The following MAML3 variants were observed in gnomAD, a reference collection of about 807,000 sequenced individuals.
MAML3 encodes mastermind-like protein 3.
MAML3 carries 27 observed loss-of-function variants against 101.9 expected under a neutral mutation model. The observed-to-expected ratio is 0.27, with a 90% CI of 0.20 to 0.37. MAML3 has a LOEUF of 0.37. MAML3 is among the 10% of genes least tolerant of loss of function. The pLI is 1.00. For missense variants in MAML3, 1,316 were observed against 1,444.9 expected, an observed-to-expected ratio of 0.91 and a Z score of 1.45; for synonymous variants, 501 against 555.9, an observed-to-expected ratio of 0.90 and a Z score of 1.39.
chr4:140,115,062 A>G (rs1424919288), intron 1 of MAML3, among the ~76,000 whole-genome samples: 1 of 152,190 alleles, frequency 6.6e-6, no homozygotes, highest in Non-Finnish European at 1.5e-5. Context: ...TCCTCAGGAC[A>G]AGACACATGA....
At chr4:139,904,261 AC>A (rs33990268) in intron 1 of MAML3, among the ~76,000 whole-genome samples, 3,349 of 152,214 alleles carry the variant, frequency 0.022, 109 homozygotes, top group African/African-American at 0.076. Flanking sequence ...AACTAATGAA[AC>A]TGATAATTTG....
chr4:139,870,808 C>G lies in MAML3; in HGVS notation c.2079+18549G>C, dbSNP rs1982495. Among the ~76,000 whole-genome samples the G allele has an allele frequency of 5.5e-3, 841 of 152,238 alleles. 2 individuals carry two copies. Among genetic ancestry groups the G allele is most frequent in the Admixed American group, 9.2e-3 (141 of 15,282 alleles). On this transcript the variant is annotated intron_variant, in intron 2 of 4. Coordinates refer to ENST00000509479, the MANE Select transcript of MAML3 (RefSeq NM_018717.5). ...ACTTGACTAATTTTTGTATCTATAT[C>G]TTTCATTTCACCAAAGATTTAAAAC...
intron 3 of MAML3, among the ~76,000 whole-genome samples, chr4:139,726,685 A>C (rs558790914): frequency 6.6e-6 from 1 of 151,834 alleles, no homozygotes; most frequent in Non-Finnish European, 1.5e-5. Context: ...CTCTACATGT[A>C]AACTATTCAG....
At chr4:140,096,457 G>C (rs1389695916) in intron 1 of MAML3, among the ~76,000 whole-genome samples, 1 of 152,108 alleles carries the variant, frequency 6.6e-6, no homozygotes, top group Non-Finnish European at 1.5e-5. Context: ...TCACATGCTT[G>C]TCCACACACA....
chr4:140,099,154 C>T (rs1002164510), intron 1 of MAML3, among the ~76,000 whole-genome samples: 1 of 151,766 alleles, frequency 6.6e-6, no homozygotes, highest in African/African-American at 2.4e-5. Flanking sequence ...CTGTTACATT[C>T]CTGTTGATAG....
At position 139,887,059 on chromosome 4, in the gene MAML3, G is replaced by A. The variant is rs147060871; in HGVS notation, c.2079+2298C>T. On this transcript the variant is annotated intron_variant, in intron 2 of 4. Coordinates refer to ENST00000509479, the MANE Select transcript of MAML3 (RefSeq NM_018717.5). Reference sequence around the variant, plus strand: ...GTTTTCACTAGCAATAGCAGAAAACGAAACTGAACTAAACCTATGTATAAT... The same window carrying A: ...GTTTTCACTAGCAATAGCAGAAAACAAAACTGAACTAAACCTATGTATAAT... 3.3e-5 allele frequency among the ~76,000 whole-genome samples: 5 copies of A among 152,274 alleles called. 1 individual carries two copies. The highest frequency in any genetic ancestry group is 9.6e-5 in the African/African-American group (4 of 41,556).
chr4:140,139,177 G>A (rs1221870935), intron 1 of MAML3, among the ~76,000 whole-genome samples: 1 of 152,174 alleles, frequency 6.6e-6, no homozygotes, highest in African/African-American at 2.4e-5. Flanking sequence ...GGAGACTGAA[G>A]CAGGAGAATC....
At chr4:139,875,549 C>T (rs1258371079) in intron 2 of MAML3, among the ~76,000 whole-genome samples, 1 of 152,070 alleles carries the variant, frequency 6.6e-6, no homozygotes, top group African/African-American at 2.4e-5. Context: ...AGAAAACAAG[C>T]CCAGCGCACC....
chr4:139,727,004 A>G (rs934691878), intron 3 of MAML3, among the ~76,000 whole-genome samples: 5 of 152,210 alleles, frequency 3.3e-5, no homozygotes, highest in Non-Finnish European at 5.9e-5. Context: ...TTTCATCTGC[A>G]AGGGCTATAA....
At chr4:139,776,180 T>C (rs990697532) in intron 2 of MAML3, among the ~76,000 whole-genome samples, 16 of 152,226 alleles carry the variant, frequency 1.1e-4, no homozygotes, top group African/African-American at 3.9e-4. Flanking sequence ...TTGATGTCAA[T>C]TGCTGTTAAT....
intron 1 of MAML3, among the ~76,000 whole-genome samples, chr4:139,901,913 C>T (rs1021936911): frequency 1.3e-5 from 2 of 152,162 alleles, no homozygotes; most frequent in African/African-American, 4.8e-5. Flanking sequence ...TTCAGCCCTT[C>T]CAAAAGACTG....
chr4:139,720,300 C>A lies in MAML3; in HGVS notation c.2440G>T (p.Val814Leu), dbSNP rs115394118. 1.9e-6 allele frequency: 3 copies of A among 1,552,058 alleles called. No individual in the cohort carries two copies. The African/African-American group carries it at 4.1e-5, about 21-fold the overall frequency. ...CTCTGGAGGGCTGCTTGGCTTCTTACGGCTGCTATATCCTGGGGAGAACCT... is the reference window on the plus strand; with the variant it reads ...CTCTGGAGGGCTGCTTGGCTTCTTAAGGCTGCTATATCCTGGGGAGAACCT... ...FQGSPQDIAA[V>L]RSQAALQSMR... The change falls in exon 5 of 5, where the codon GTA becomes TTA. Residue 814 changes from valine to leucine, a missense_variant. By Grantham distance (32) the Val-to-Leu change is conservative. Transcript: ENST00000509479.
chr4:140,080,944 T>G (rs1727852077), intron 1 of MAML3, among the ~76,000 whole-genome samples: 1 of 152,220 alleles, frequency 6.6e-6, no homozygotes, highest in South Asian at 2.1e-4. Flanking sequence ...TAGTTTTAAT[T>G]ATTAAATATA....
At chr4:139,967,364 C>T (rs1276648747) in intron 1 of MAML3, among the ~76,000 whole-genome samples, 2 of 152,044 alleles carry the variant, frequency 1.3e-5, no homozygotes, top group African/African-American at 4.8e-5. Context: ...GATTGAGAAT[C>T]AAGCTGGCAT....
intron 1 of MAML3, among the ~76,000 whole-genome samples, chr4:139,969,867 A>G (rs1203501582): frequency 6.6e-6 from 1 of 152,230 alleles, no homozygotes; most frequent in Non-Finnish European, 1.5e-5. Flanking sequence ...AGTGTTTCCA[A>G]GGTGAAGCAC....
intron 2 of MAML3, among the ~76,000 whole-genome samples, chr4:139,824,351 G>C (rs907702143): frequency 6.6e-6 from 1 of 152,202 alleles, no homozygotes; most frequent in African/African-American, 2.4e-5. Context: ...AAGTGTGCAA[G>C]AGAACAGAGA....
chr4:139,875,379 T>C lies in MAML3; in HGVS notation c.2079+13978A>G, dbSNP rs559530059. ...GAGAACTGTGACTGCTTTGCAGTGTTTTGGGGAATTGTGTTTATTCACCAG... is the reference window on the plus strand; with the variant it reads ...GAGAACTGTGACTGCTTTGCAGTGTCTTGGGGAATTGTGTTTATTCACCAG... On this transcript the variant is annotated intron_variant, in intron 2 of 4. Transcript: ENST00000509479. Among the ~76,000 whole-genome samples, 28 of 152,290 alleles carry C rather than the reference T, an allele frequency of 1.8e-4. No homozygotes were observed. In the South Asian group the frequency reaches 5.8e-3, roughly 32 times the overall value.
intron 1 of MAML3, among the ~76,000 whole-genome samples, chr4:140,049,864 A>G (rs1036124659): frequency 2.0e-5 from 3 of 147,512 alleles, no homozygotes; most frequent in Admixed American, 6.8e-5. Context: ...TGAAAAAGCA[A>G]TTGGCTACGT....
At position 139,719,756 on chromosome 4, in the gene MAML3, G is replaced by A. The variant is rs185593153; in HGVS notation, c.2984C>T (p.Pro995Leu). ...GASYPLQAGQPRLTKQHFPQG... is the reference protein window; with the variant it reads ...GASYPLQAGQLRLTKQHFPQG... ...TGGGAAGTGCTGCTTGGTCAGTCTC[G>A]GCTGCCCAGCTTGAAGAGGGTAGCT... The change falls in exon 5 of 5, where the codon CCG becomes CTG. Residue 995 changes from proline to leucine, a missense_variant. By Grantham distance (98) the Pro-to-Leu change is moderately conservative. Coordinates refer to ENST00000509479, the MANE Select transcript of MAML3 (RefSeq NM_018717.5). 1.3e-4 allele frequency: 207 copies of A among 1,613,690 alleles called. 1 individual carries two copies. The highest frequency in any genetic ancestry group is 1.1e-3 in the East Asian group (49 of 44,874).
Sources: allele counts gnomAD v4.1 joint callset (sites outside exome capture counted in the v4.1 genomes callset), GRCh38; gene constraint gnomAD v4.1.1; transcripts MANE v1.5; gene names NCBI Gene and HGNC (gene_info 2026-07-23, HGNC 2026-07-21).